TRERF1: variants seen among roughly 807,000 people sequenced by gnomAD.
The protein encoded by TRERF1 is transcriptional regulating factor 1.
In TRERF1, 27 loss-of-function variants were observed where a neutral mutation model predicts 122.9. That is an observed-to-expected ratio of 0.22 (90% confidence interval 0.16 to 0.30). The LOEUF is 0.30. TRERF1 is among the 10% of genes least tolerant of loss of function. The pLI is 1.00. For missense variants in TRERF1, 1,248 were observed against 1,560.3 expected, an observed-to-expected ratio of 0.80 and a Z score of 3.37; for synonymous variants, 636 against 641.7, an observed-to-expected ratio of 0.99 and a Z score of 0.13.
rs442021 is a variant in TRERF1, at chr6:42,425,358, A to G, written c.-454+25819T>C. Reference sequence around the variant, plus strand: ...TATGGAATAAATATGACAGCCCCCAACCAACCCCCTACATTTTACAGCAAA... The same window carrying G: ...TATGGAATAAATATGACAGCCCCCAGCCAACCCCCTACATTTTACAGCAAA... On this transcript the variant is annotated intron_variant, in intron 2 of 17. Coordinates refer to ENST00000372922, the Ensembl canonical transcript of TRERF1. Among the ~76,000 whole-genome samples, 32 of 149,762 alleles carry G rather than the reference A, an allele frequency of 2.1e-4. 1 individual carries two copies. The highest frequency in any genetic ancestry group is 6.1e-4 in the African/African-American group (25 of 40,700).
intron 15 of TRERF1, among the ~76,000 whole-genome samples, chr6:42,239,252 C>T (rs959500845): frequency 6.6e-6 from 1 of 152,336 alleles, no homozygotes; most frequent in South Asian, 2.1e-4. Context: ...CTGTTTTCCA[C>T]AGTCAGTTAA....
At chr6:42,236,447 C>G in intron 15 of TRERF1, 36 bp from the exon 16 acceptor site, 1 of 1,543,128 alleles carries the variant, frequency 6.5e-7, no homozygotes, top group Non-Finnish European at 8.7e-7. Context: ...AGGGGAAAAT[C>G]CCCAAATGGC....
intron 3 of TRERF1, among the ~76,000 whole-genome samples, chr6:42,321,469 G>A (rs900009377): frequency 1.3e-5 from 2 of 152,142 alleles, no homozygotes; most frequent in African/African-American, 4.8e-5. Flanking sequence ...GAAAGTCTTG[G>A]AAAAATTAAA....
intron 3 of TRERF1, among the ~76,000 whole-genome samples, chr6:42,307,570 C>T (rs1350392925): frequency 6.6e-6 from 1 of 152,044 alleles, no homozygotes; most frequent in Non-Finnish European, 1.5e-5. Context: ...TGCAGAAACT[C>T]ACCCAGGGGA....
intron 2 of TRERF1, among the ~76,000 whole-genome samples, chr6:42,398,520 T>C (rs1350200001): frequency 1.3e-5 from 2 of 152,172 alleles, no homozygotes; most frequent in Admixed American, 1.3e-4. Flanking sequence ...CTTCCACTAC[T>C]CCATTCTGCC....
chr6:42,234,321 T>C (rs1420418972), intron 16 of TRERF1, among the ~76,000 whole-genome samples: 2 of 151,508 alleles, frequency 1.3e-5, no homozygotes, highest in Non-Finnish European at 2.9e-5. Context: ...TGATCTCTGT[T>C]TTTTTTGTTT....
chr6:42,436,812 AAAATATATATATATATATATAT>A (rs1785485466), intron 2 of TRERF1, among the ~76,000 whole-genome samples: 1 of 97,958 alleles, frequency 1.0e-5, no homozygotes, highest in Admixed American at 1.3e-4. Flanking sequence ...AAAAAAAAAA[AAAATATATATATATATATATAT>A]ATATATATAT....
chr6:42,328,126 G>A (rs1764625254), intron 3 of TRERF1, among the ~76,000 whole-genome samples: 1 of 150,210 alleles, frequency 6.7e-6, no homozygotes, highest in South Asian at 2.1e-4. Context: ...ATGTGCCTCA[G>A]CCTCCTGAGT....
chr6:42,269,575 G>A lies in TRERF1; in HGVS notation c.16C>T (p.Leu6=), dbSNP rs778878880. The change falls in exon 5 of 18, where the codon CTG becomes TTG. Residue 6 remains leucine (L), a synonymous_variant. Coordinates refer to ENST00000372922, the Ensembl canonical transcript of TRERF1. This position sits in a 1 kb window ranked among gnomAD's most constrained non-coding sequence, Gnocchi z 4.9. ...TGGGCCACATGGTTGGTCTTGTACAGTTGCTGGTCACCCATGCTGTCTGCC... is the reference window on the plus strand; with the variant it reads ...TGGGCCACATGGTTGGTCTTGTACAATTGCTGGTCACCCATGCTGTCTGCC... 29 of 1,613,664 alleles carry A rather than the reference G, an allele frequency of 1.8e-5. 1 individual carries two copies. The South Asian group carries it at 3.0e-4, about 17-fold the overall frequency.
chr6:42,273,113 T>C (rs1780544734), intron 4 of TRERF1, among the ~76,000 whole-genome samples: 1 of 152,028 alleles, frequency 6.6e-6, no homozygotes, highest in African/African-American at 2.4e-5. Flanking sequence ...TCTCAGAAAG[T>C]TCACTCTGAC....
At chr6:42,352,274 C>T (rs575575635) in intron 3 of TRERF1, among the ~76,000 whole-genome samples, 19 of 152,308 alleles carry the variant, frequency 1.2e-4, no homozygotes, top group Non-Finnish European at 2.2e-4. Context: ...GGATTACAGG[C>T]GTGAGCCACT....
chr6:42,432,714 C>T (rs9367142), intron 2 of TRERF1, among the ~76,000 whole-genome samples: 70,685 of 151,722 alleles, frequency 0.47, 19,395 homozygotes, highest in Non-Finnish European at 0.62. Context: ...TGGTGGCAGG[C>T]GCCTTGTAGT....
intron 4 of TRERF1, among the ~76,000 whole-genome samples, chr6:42,288,574 CAAAAAAA>C (rs3074797): frequency 8.1e-5 from 7 of 86,548 alleles, no homozygotes; most frequent in African/African-American, 1.5e-4. Context: ...ATCTCAAAAC[CAAAAAAA>C]AAAAAAAAAA....
intron 3 of TRERF1, among the ~76,000 whole-genome samples, chr6:42,359,945 A>T (rs188214805): frequency 1.3e-5 from 2 of 152,340 alleles, no homozygotes; most frequent in African/African-American, 4.8e-5. Context: ...AATGAATTCT[A>T]ACAGAAAAAA....
intron 2 of TRERF1, among the ~76,000 whole-genome samples, chr6:42,417,585 C>T (rs963859976): frequency 3.3e-5 from 5 of 152,102 alleles, no homozygotes; most frequent in Middle Eastern, 3.2e-3. Flanking sequence ...AGAGGAGGAA[C>T]GACTGGCCGG....
intron 3 of TRERF1, among the ~76,000 whole-genome samples, chr6:42,346,462 G>A (rs919654418): frequency 3.3e-5 from 5 of 152,198 alleles, no homozygotes; most frequent in African/African-American, 9.7e-5. Context: ...AGGAAGAGAA[G>A]CATGTGCATC....
chr6:42,330,685 T>G (rs554795379), intron 3 of TRERF1, among the ~76,000 whole-genome samples: 2 of 152,348 alleles, frequency 1.3e-5, no homozygotes, highest in East Asian at 3.9e-4. Context: ...TTTATTTTTT[T>G]GAGACAGAGT....
intron 13 of TRERF1, among the ~76,000 whole-genome samples, chr6:42,250,988 GCTT>G (rs1436800674): frequency 8.9e-5 from 12 of 134,722 alleles, no homozygotes; most frequent in Admixed American, 6.0e-4. Context: ...CTTTTCTTTT[GCTT>G]CTTTTTTTTT....
chr6:42,388,510 C>T (rs1199458528), intron 2 of TRERF1, among the ~76,000 whole-genome samples: 1 of 152,072 alleles, frequency 6.6e-6, no homozygotes, highest in African/African-American at 2.4e-5. Context: ...CAGACTGCCA[C>T]GAGATCTGCC....
Sources: allele counts gnomAD v4.1 joint callset (sites outside exome capture counted in the v4.1 genomes callset), GRCh38; gene constraint gnomAD v4.1.1; non-coding constraint Gnocchi (gnomAD v3.1); transcripts MANE v1.5; gene names NCBI Gene and HGNC (gene_info 2026-07-23, HGNC 2026-07-21).